Variants in SPP2 observed in about 807,000 individuals in gnomAD.
SPP2 encodes secreted phosphoprotein 24.
Under a neutral mutation model 28.8 loss-of-function variants are expected in SPP2, and 34 were observed. The observed-to-expected ratio is 1.18, with a 90% CI of 0.90 to 1.57. SPP2 has a LOEUF of 1.57. SPP2 is among the 40% of genes most tolerant of loss of function. The probability of loss-of-function intolerance (pLI) is 0.00; values close to 1 mark genes in which losing one functional copy is unlikely to be tolerated. For missense variants in SPP2, 269 were observed against 263.9 expected (o/e 1.02, Z -0.13); for synonymous variants, 96 against 89.4 (o/e 1.07, Z -0.42).
At chr2:234,052,846 G>A (rs1017882240) in intron 2 of SPP2, among the ~76,000 whole-genome samples, 2 of 152,102 alleles carry the variant, frequency 1.3e-5, no homozygotes, top group Non-Finnish European at 2.9e-5. Context: ...CTCTCCTGGT[G>A]ATATTTTTTT....
rs1351431413 is a variant in SPP2 at position 234,069,947 on chromosome 2, G to A, written c.570G>A (p.Leu190=). ...CTTTAGGGATCATGAGAAGGGTATTGCCTCCTGGAAACAGAAGGTACCCAA... is the reference window on the plus strand; with the variant it reads ...CTTTAGGGATCATGAGAAGGGTATTACCTCCTGGAAACAGAAGGTACCCAA... The part of the protein sequence containing the change: ...DRSLGIMRRV[L]PPGNRRYPNH... Residue 190 remains leucine (L), a synonymous_variant, in exon 7 of 8, where the codon TTG becomes TTA. Transcript: ENST00000168148. 1.9e-6 allele frequency: 3 copies of A among 1,613,136 alleles called. No homozygotes were observed. Among genetic ancestry groups the A allele is most frequent in the East Asian group, 2.2e-5 (1 of 44,858 alleles).
chr2:234,067,316 G>T, intron 6 of SPP2, 42 bp downstream of exon 6: 1 of 1,576,108 alleles, frequency 6.3e-7, no homozygotes, highest in South Asian at 1.1e-5. Flanking sequence ...ACCCTTTTCT[G>T]ATCAATCTGG....
chr2:234,074,882 A>G (rs1690865789), intron 7 of SPP2, among the ~76,000 whole-genome samples: 1 of 152,010 alleles, frequency 6.6e-6, no homozygotes, highest in South Asian at 2.1e-4. Context: ...AGCTTCTCTA[A>G]CACACACATT....
At chr2:234,055,298 G>C (rs1390354898) in intron 2 of SPP2, among the ~76,000 whole-genome samples, 1 of 152,236 alleles carries the variant, frequency 6.6e-6, no homozygotes, top group African/African-American at 2.4e-5. Context: ...TCCAAAGGCA[G>C]TCTGCTGGCA....
intron 6 of SPP2, among the ~76,000 whole-genome samples, chr2:234,069,583 T>C (rs1165151219): frequency 6.6e-6 from 1 of 152,174 alleles, no homozygotes; most frequent in East Asian, 1.9e-4. Flanking sequence ...TTTAATTTAA[T>C]TCAATAAATG....
intron 2 of SPP2, among the ~76,000 whole-genome samples, chr2:234,058,385 C>T (rs1355612386): frequency 2.6e-5 from 4 of 152,188 alleles, no homozygotes; most frequent in Admixed American, 6.5e-5. Flanking sequence ...TCTCCTTGTT[C>T]GGCTCCTGTT....
chr2:234,071,707 AC>A (rs1007537633), intron 7 of SPP2, among the ~76,000 whole-genome samples: 15 of 152,136 alleles, frequency 9.9e-5, no homozygotes, highest in Non-Finnish European at 2.1e-4. Context: ...GGCTTTCATG[AC>A]CTGGGTCTGC....
intron 2 of SPP2, 137 bp from the exon 3 acceptor site, chr2:234,058,699 G>A (rs1324279974): frequency 1.2e-5 from 12 of 998,262 alleles, no homozygotes; most frequent in East Asian, 5.0e-5. Flanking sequence ...ACGGAACTAG[G>A]TGATTGCTAA....
chr2:234,053,442 G>A (rs1356849830), intron 2 of SPP2, among the ~76,000 whole-genome samples: 1 of 152,078 alleles, frequency 6.6e-6, no homozygotes, highest in East Asian at 1.9e-4. Context: ...CTTACCAAGT[G>A]CAGTGATTCT....
intron 6 of SPP2, among the ~76,000 whole-genome samples, chr2:234,068,727 C>T (rs80114159): frequency 0.061 from 8,936 of 147,672 alleles, 445 homozygotes; most frequent in African/African-American, 0.14. Flanking sequence ...TTTAAATCTC[C>T]GTACTGGTGG....
At chr2:234,058,566 A>G (rs532140283) in intron 2 of SPP2, among the ~76,000 whole-genome samples, 3 of 152,336 alleles carry the variant, frequency 2.0e-5, no homozygotes, top group Non-Finnish European at 4.4e-5. Flanking sequence ...TTGTCACTGT[A>G]AAGTGTTAGA....
At chr2:234,065,943 G>T (rs751918291) in intron 4 of SPP2, among the ~76,000 whole-genome samples, 1 of 152,176 alleles carries the variant, frequency 6.6e-6, no homozygotes, top group African/African-American at 2.4e-5. Flanking sequence ...ACTATCTGTT[G>T]AAAAGAATGT....
intron 6 of SPP2, among the ~76,000 whole-genome samples, chr2:234,068,151 A>C (rs897118248): frequency 9.8e-5 from 15 of 152,352 alleles, no homozygotes; most frequent in Middle Eastern, 3.4e-3. Flanking sequence ...CACGTGTGTT[A>C]CCTGCTTATA....
rs561467784 is a variant in SPP2, at chr2:234,059,430, A to G, written c.333+472A>G. 2.6e-5 allele frequency among the ~76,000 whole-genome samples: 4 copies of G among 152,298 alleles called. No homozygotes were observed. The South Asian group carries it at 6.2e-4, about 24-fold the overall frequency. On this transcript the variant is annotated intron_variant, in intron 3 of 7. Transcript: ENST00000168148. Reference sequence around the variant, plus strand: ...CGCTTTCGTGTCTCTCATGACCAGAACATGTACAGCACTGTTCCGTGGTAA... The same window carrying G: ...CGCTTTCGTGTCTCTCATGACCAGAGCATGTACAGCACTGTTCCGTGGTAA...
chr2:234,061,138 T>G (rs1693712203), intron 4 of SPP2, among the ~76,000 whole-genome samples: 1 of 152,214 alleles, frequency 6.6e-6, no homozygotes, highest in South Asian at 2.1e-4. Flanking sequence ...TTTCCTCAAT[T>G]GCATTGAAAG....
At chr2:234,075,412 C>T (rs550410165) in intron 7 of SPP2, among the ~76,000 whole-genome samples, 5 of 152,148 alleles carry the variant, frequency 3.3e-5, no homozygotes, top group Non-Finnish European at 5.9e-5. Context: ...CTCCTGCACC[C>T]GTCACCGCCC....
chr2:234,068,021 A>C (rs1693861773), intron 6 of SPP2, among the ~76,000 whole-genome samples: 1 of 152,106 alleles, frequency 6.6e-6, no homozygotes, highest in South Asian at 2.1e-4. Context: ...AATGTGTCTA[A>C]TGATCTTCTT....
intron 7 of SPP2, among the ~76,000 whole-genome samples, chr2:234,073,644 C>T (rs1172421552): frequency 1.3e-5 from 2 of 152,108 alleles, no homozygotes; most frequent in African/African-American, 4.8e-5. Context: ...GAAAAAATCT[C>T]TTTGAGAATC....
At chr2:234,055,680 T>C (rs560072242) in intron 2 of SPP2, among the ~76,000 whole-genome samples, 96 of 151,334 alleles carry the variant, frequency 6.3e-4, no homozygotes, top group African/African-American at 2.3e-3. Context: ...TCCATTTATC[T>C]GAGAAACACT....
Sources: allele counts gnomAD v4.1 joint callset (sites outside exome capture counted in the v4.1 genomes callset), GRCh38; gene constraint gnomAD v4.1.1; transcripts MANE v1.5; gene names NCBI Gene and HGNC (gene_info 2026-07-23, HGNC 2026-07-21).